Variants in KAZN observed in about 807,000 individuals in gnomAD.
KAZN encodes the protein kazrin.
Under a neutral mutation model 87.4 loss-of-function variants are expected in KAZN, and 40 were observed. The ratio of observed to expected loss-of-function variants is 0.46; its 90% CI spans 0.36 to 0.60. KAZN has a LOEUF of 0.60. KAZN is among the 20% of genes least tolerant of loss of function. The probability of loss-of-function intolerance (pLI) is 0.00; values close to 1 mark genes in which losing one functional copy is unlikely to be tolerated. For synonymous variants in KAZN, 466 were observed against 458.3 expected, an observed-to-expected ratio of 1.02 and a Z score of -0.22; for missense variants, 898 against 1,073.9, an observed-to-expected ratio of 0.84 and a Z score of 2.29.
intron 2 of KAZN, among the ~76,000 whole-genome samples, chr1:14,282,826 G>A (rs1041258608): frequency 8.5e-5 from 13 of 152,186 alleles, no homozygotes; most frequent in Non-Finnish European, 1.8e-4. Flanking sequence ...GATGCCGAGC[G>A]CCCTTTAGGG....
intron 1 of KAZN, among the ~76,000 whole-genome samples, chr1:14,922,115 T>C (rs938733687): frequency 2.0e-5 from 3 of 152,220 alleles, no homozygotes; most frequent in Non-Finnish European, 4.4e-5. Context: ...TATGTTTCTT[T>C]GCGGAAGTGA....
At chr1:15,024,695 G>T (rs561273033) in intron 2 of KAZN, among the ~76,000 whole-genome samples, 3 of 152,192 alleles carry the variant, frequency 2.0e-5, no homozygotes, top group African/African-American at 7.2e-5. Context: ...CTGGACCTGG[G>T]GTCTCACCTC....
At chr1:14,150,958 A>G (rs914408928) in intron 1 of KAZN, among the ~76,000 whole-genome samples, 2 of 147,810 alleles carry the variant, frequency 1.4e-5, no homozygotes, top group African/African-American at 5.1e-5. Flanking sequence ...CCCTGCTAAC[A>G]TTGTCATACA....
intron 1 of KAZN, among the ~76,000 whole-genome samples, chr1:14,827,941 G>T (rs914818224): frequency 6.6e-6 from 1 of 152,186 alleles, no homozygotes; most frequent in East Asian, 1.9e-4. Flanking sequence ...ATAAAAGTTG[G>T]CTGTGGCCCT....
chr1:14,134,270 C>A (rs1372201897), intron 1 of KAZN, among the ~76,000 whole-genome samples: 1 of 152,114 alleles, frequency 6.6e-6, no homozygotes, highest in Non-Finnish European at 1.5e-5. Flanking sequence ...TTAAAAAAAA[C>A]CATCCACTAG....
At chr1:14,713,099 C>A (rs891328064) in intron 1 of KAZN, among the ~76,000 whole-genome samples, 7 of 152,186 alleles carry the variant, frequency 4.6e-5, no homozygotes, top group Non-Finnish European at 8.8e-5. Context: ...CTGCTCAATA[C>A]CTGTGGGTCA....
chr1:14,897,074 G>C (rs899177730), intron 1 of KAZN, among the ~76,000 whole-genome samples: 5 of 152,150 alleles, frequency 3.3e-5, no homozygotes, highest in Non-Finnish European at 7.3e-5. Context: ...ACCTAATCAC[G>C]GCTCTATCTC....
At chr1:14,492,448 G>A (rs575962535) in intron 2 of KAZN, among the ~76,000 whole-genome samples, 1 of 151,810 alleles carries the variant, frequency 6.6e-6, no homozygotes, top group East Asian at 2.0e-4. Context: ...TGTAGGTGCT[G>A]GGAAATCAAC....
chr1:15,065,027 C>CTTTTTTT lies in KAZN; in HGVS notation c.1099-587_1099-581dup, dbSNP rs780410306. On this transcript the variant is annotated intron_variant, in intron 7 of 14. Coordinates refer to ENST00000376030, the MANE Select transcript of KAZN (RefSeq NM_201628.3). ...CACCGTCCTTGGGGTCTTTTTCTTT[C>CTTTTTTT]TTTTTTTTTTTTTTTTTTTTTTGAG... 3.5e-3 allele frequency among the ~76,000 whole-genome samples: 359 copies of CTTTTTTT among 102,720 alleles called. 11 individuals carry two copies. Among genetic ancestry groups the CTTTTTTT allele is most frequent in the East Asian group, 0.024 (83 of 3,494 alleles). The allele number at this position is 102,720 out of a possible 152,430, so 67.4% of individuals were successfully genotyped here.
At position 15,037,324 on chromosome 1, in the gene KAZN, T is replaced by C. The variant is rs145433552; in HGVS notation, c.555+2439T>C. Among the ~76,000 whole-genome samples the C allele has an allele frequency of 7.9e-5, 12 of 152,292 alleles. No homozygotes were observed. The East Asian group carries it at 1.7e-3, about 22-fold the overall frequency. On this transcript the variant is annotated intron_variant, in intron 3 of 14. Coordinates refer to ENST00000376030, the MANE Select transcript of KAZN (RefSeq NM_201628.3). ...GCAGAAGACAGGCTCCAAGCTGACC[T>C]TCTACTTGTCCCCTGAGCCACCAGC...
intron 2 of KAZN, among the ~76,000 whole-genome samples, chr1:14,254,042 G>T (rs985213435): frequency 6.6e-6 from 1 of 152,044 alleles, no homozygotes; most frequent in Admixed American, 6.5e-5. Context: ...TTAAGTCACA[G>T]AAAAGGTTTC....
intron 2 of KAZN, among the ~76,000 whole-genome samples, chr1:15,022,372 T>C (rs780037126): frequency 9.2e-5 from 14 of 151,830 alleles, no homozygotes; most frequent in Non-Finnish European, 1.6e-4. Flanking sequence ...AACCGGAGTT[T>C]TGCGGTTGGG....
At chr1:14,763,139 T>G (rs552821385) in intron 1 of KAZN, among the ~76,000 whole-genome samples, 2 of 152,306 alleles carry the variant, frequency 1.3e-5, no homozygotes, top group Admixed American at 6.5e-5. Context: ...AATAAAGTAG[T>G]CATGCCAGTA....
chr1:14,678,196 C>G (rs1488943513), intron 1 of KAZN, among the ~76,000 whole-genome samples: 3 of 152,134 alleles, frequency 2.0e-5, no homozygotes, highest in Non-Finnish European at 4.4e-5. Context: ...GACCCACCCA[C>G]AGGGTGGGTG....
intron 1 of KAZN, among the ~76,000 whole-genome samples, chr1:14,658,479 A>G (rs1170655578): frequency 6.6e-6 from 1 of 152,160 alleles, no homozygotes. Flanking sequence ...CAATGTGTGC[A>G]AAGTATTGTG....
intron 1 of KAZN, among the ~76,000 whole-genome samples, chr1:14,624,408 C>T (rs575632577): frequency 5.9e-4 from 88 of 149,530 alleles, no homozygotes; most frequent in African/African-American, 2.1e-3. Flanking sequence ...GCCAACAGAG[C>T]GAGACTCCGT....
intron 1 of KAZN, among the ~76,000 whole-genome samples, chr1:14,004,047 G>A (rs1391568343): frequency 6.6e-6 from 1 of 151,580 alleles, no homozygotes; most frequent in Non-Finnish European, 1.5e-5. Flanking sequence ...CAATTTAATA[G>A]AAAAAATGGG....
At chr1:14,987,781 G>A (rs528098132) in intron 2 of KAZN, among the ~76,000 whole-genome samples, 3 of 152,294 alleles carry the variant, frequency 2.0e-5, no homozygotes, top group South Asian at 2.1e-4. Context: ...CCACTTGATC[G>A]GATTTCATTT....
At chr1:14,724,742 G>C (rs1404575525) in intron 1 of KAZN, among the ~76,000 whole-genome samples, 1 of 152,222 alleles carries the variant, frequency 6.6e-6, no homozygotes, top group Non-Finnish European at 1.5e-5. Flanking sequence ...CCCTTCTGCG[G>C]GTTGCCCCGT....
Sources: allele counts gnomAD v4.1 joint callset (sites outside exome capture counted in the v4.1 genomes callset), GRCh38; gene constraint gnomAD v4.1.1; transcripts MANE v1.5; gene names NCBI Gene and HGNC (gene_info 2026-07-23, HGNC 2026-07-21).